Variants in SYNRG observed in about 807,000 individuals in gnomAD.
SYNRG encodes synergin gamma.
A neutral mutation model predicts 130.9 loss-of-function variants in SYNRG; 37 were observed. The observed-to-expected ratio is 0.28, with a 90% CI of 0.22 to 0.37. The LOEUF (loss-of-function observed/expected upper bound fraction) is 0.37. SYNRG is among the 10% of genes least tolerant of loss of function. The probability of loss-of-function intolerance (pLI) is 1.00; values close to 1 mark genes in which losing one functional copy is unlikely to be tolerated. For missense variants in SYNRG, 1,338 were observed against 1,588.9 expected (o/e 0.84, Z 2.68); for synonymous variants, 539 against 568.1 (o/e 0.95, Z 0.73).
chr17:37,520,199 C>A lies in SYNRG; in HGVS notation c.3793G>T (p.Ala1265Ser), dbSNP rs151326678. The A allele has an allele frequency of 3.1e-6, 5 of 1,614,094 alleles. No homozygotes were observed. In the African/African-American group the frequency reaches 6.7e-5, roughly 22 times the overall value. ...DSRSRKEEKPAEEHPKKAFNS... is the reference protein window; with the variant it reads ...DSRSRKEEKPSEEHPKKAFNS... ...CATACTTTTTTAGGATGTTCTTCTG[C>A]AGGCTTCTCTTCTTTCTGAAATAAC... Residue 1265 changes from alanine (A) to serine (S), a missense_variant, in exon 21 of 22, where the codon GCA (alanine) becomes TCA (serine). Ala to Ser is a moderately conservative substitution (Grantham distance 99). Coordinates refer to ENST00000612223, the MANE Select transcript of SYNRG (RefSeq NM_007247.6).
chr17:37,583,056 T>C (rs2061452879), intron 6 of SYNRG, among the ~76,000 whole-genome samples: 1 of 151,664 alleles, frequency 6.6e-6, no homozygotes, highest in Non-Finnish European at 1.5e-5. Context: ...AGTGGCGCAG[T>C]CTCGACTCAC....
intron 8 of SYNRG, among the ~76,000 whole-genome samples, chr17:37,573,313 G>A (rs945454226): frequency 1.1e-4 from 16 of 152,122 alleles, no homozygotes; most frequent in African/African-American, 3.6e-4. Flanking sequence ...TGAGGCAGGA[G>A]AACTGCTTGA....
rs370541333 is a variant in SYNRG at position 37,584,621 on chromosome 17, G to C, written c.589+27C>G. 140 of 1,592,188 alleles carry C rather than the reference G, an allele frequency of 8.8e-5. No homozygotes were observed. In the African/African-American group the frequency reaches 1.7e-3, roughly 20 times the overall value. ...CTACATAAATCACCTTCCCAGAAAA[G>C]AAAAATATAATGCCTCTTAAAACTA... On this transcript the variant is annotated intron_variant, in intron 6 of 21. Transcript: ENST00000612223.
intron 18 of SYNRG, chr17:37,536,696 T>C (rs2057226591): frequency 6.6e-6 from 1 of 152,332 alleles, no homozygotes; most frequent in Admixed American, 6.5e-5. Flanking sequence ...CTGAAGGTCT[T>C]ACAAACACTT....
At chr17:37,524,371 T>C (rs2055558276) in intron 19 of SYNRG, among the ~76,000 whole-genome samples, 1 of 151,814 alleles carries the variant, frequency 6.6e-6, no homozygotes, top group Non-Finnish European at 1.5e-5. Context: ...CCTGTTCCTT[T>C]CTAATTTGAA....
chr17:37,529,939 CCAAA>C, intron 19 of SYNRG: 1 of 1,186,686 alleles, frequency 8.4e-7, no homozygotes, highest in South Asian at 1.4e-5. Context: ...CGATTGCCAC[CCAAA>C]CAAAGAACCT....
chr17:37,559,681 ACT>A (rs1404615940), intron 13 of SYNRG, among the ~76,000 whole-genome samples: 1 of 151,434 alleles, frequency 6.6e-6, no homozygotes. Context: ...CAAAAATAAA[ACT>A]CTGTTTCAAA....
In SYNRG at chr17:37,539,349, G is replaced by T. The variant is rs530543440; in HGVS notation, c.3367-104C>A. 4.3e-5 allele frequency: 51 copies of T among 1,187,246 alleles called. No individual in the cohort carries two copies. In the African/African-American group the frequency reaches 6.7e-4, roughly 16 times the overall value. 73.5% of individuals were successfully genotyped at this position (1,187,246 alleles called of 1,614,324 possible). A position where few individuals can be genotyped will look rare whatever the true frequency, so the allele number is the denominator to read the frequency against. ...CTTGGAGGACTTTCCTTTTTATTAC[G>T]ATCACTCTAGTTCAAGCAGTTTATG... On this transcript the variant is annotated intron_variant, in intron 16 of 21. Transcript: ENST00000612223.
chr17:37,600,080 T>C (rs1348106636), intron 2 of SYNRG, among the ~76,000 whole-genome samples: 1 of 152,234 alleles, frequency 6.6e-6, no homozygotes, highest in Non-Finnish European at 1.5e-5. Flanking sequence ...TTCTTTAACA[T>C]TCTTGTCCTA....
chr17:37,603,916 C>T (rs1444610878), intron 1 of SYNRG, among the ~76,000 whole-genome samples: 3 of 152,168 alleles, frequency 2.0e-5, no homozygotes, highest in Non-Finnish European at 4.4e-5. Context: ...TCCTCTCTAG[C>T]TAGGAAAGTC....
At chr17:37,569,648 C>G (rs2060264511) in intron 10 of SYNRG, among the ~76,000 whole-genome samples, 1 of 123,758 alleles carries the variant, frequency 8.1e-6, no homozygotes, top group Non-Finnish European at 1.6e-5. Context: ...CAGCAAGACT[C>G]TGTCTCAAAA....
At chr17:37,570,596 T>C (rs1201799263) in intron 10 of SYNRG, 41 bp downstream of exon 10, 4 of 1,577,522 alleles carry the variant, frequency 2.5e-6, no homozygotes, top group Non-Finnish European at 3.4e-6. Context: ...CCAGATTCAC[T>C]TTCAGTGATT....
chr17:37,586,118 G>A (rs535901504), intron 4 of SYNRG, among the ~76,000 whole-genome samples: 8 of 152,060 alleles, frequency 5.3e-5, no homozygotes, highest in Non-Finnish European at 1.0e-4. Flanking sequence ...TCAGCCTCCT[G>A]AGCAGCTGGG....
In SYNRG at chr17:37,553,124, G is replaced by A. The variant is rs1344804317; in HGVS notation, c.2599C>T (p.Pro867Ser). 6.2e-7 allele frequency: 1 copy of A among 1,611,480 alleles called. No individual in the cohort carries two copies. The highest frequency in any genetic ancestry group is 1.7e-5 in the Admixed American group (1 of 59,032). Reference protein sequence around the residue: ...DLPTVSGQHPPAADIEDLKYA... With the variant: ...DLPTVSGQHPSAADIEDLKYA... Reference sequence around the variant, plus strand: ...CTCACCAATTCCTCACCTGCAGCAGGAGGATGCTGGCCACTAACTGTTGGT... The same window carrying A: ...CTCACCAATTCCTCACCTGCAGCAGAAGGATGCTGGCCACTAACTGTTGGT... The change falls in exon 14 of 22, where the codon CCT (proline) becomes TCT (serine). Residue 867 changes from proline (P) to serine (S), a missense_variant. Pro to Ser is a moderately conservative substitution (Grantham distance 74). This residue lies in a region of SYNRG where 1,146 missense variants were observed against 1,342.3 expected (regional missense o/e 0.85). Coordinates refer to ENST00000612223, the MANE Select transcript of SYNRG (RefSeq NM_007247.6).
chr17:37,584,425 T>C, intron 6 of SYNRG: 1 of 422,316 alleles, frequency 2.4e-6, no homozygotes, highest in Non-Finnish European at 4.4e-6. Flanking sequence ...GTCATACTGA[T>C]ATTTAATTAG....
At chr17:37,552,606 A>C (rs1375506828) in intron 14 of SYNRG, among the ~76,000 whole-genome samples, 1 of 152,210 alleles carries the variant, frequency 6.6e-6, no homozygotes, top group Non-Finnish European at 1.5e-5. Context: ...TTCTTCTCTT[A>C]AAAGGATGTG....
Position 37,542,123 on chromosome 17 carries a change from C to G in SYNRG, c.3051G>C (p.Pro1017=), listed in dbSNP as rs3110623. 642,112 of 1,613,956 alleles carry G rather than the reference C, an allele frequency of 0.4. 132,544 individuals carry two copies. Among genetic ancestry groups the G allele is most frequent in the East Asian group, 0.66 (29,513 of 44,870 alleles). The change falls in exon 15 of 22, where the codon CCG becomes CCC. Residue 1017 remains proline, a synonymous_variant. Coordinates refer to ENST00000612223, the MANE Select transcript of SYNRG (RefSeq NM_007247.6). ...PASSGASQET[P]NECSDDFGEF... Reference sequence around the variant, plus strand: ...CTCCAAAGTCATCCGAACATTCGTTCGGGGTTTCTTGAGAGGCACCACTGG... The same window carrying G: ...CTCCAAAGTCATCCGAACATTCGTTGGGGGTTTCTTGAGAGGCACCACTGG...
chr17:37,535,991 G>A lies in SYNRG; in HGVS notation c.3654C>T (p.Leu1218=), dbSNP rs546035077. 2.2e-5 allele frequency: 35 copies of A among 1,613,804 alleles called. No homozygotes were observed. Among genetic ancestry groups the A allele is most frequent in the Admixed American group, 2.2e-4 (13 of 60,016 alleles). Residue 1218 remains leucine, a synonymous_variant, in exon 19 of 22, where the codon CTC becomes CTT. Coordinates refer to ENST00000612223, the MANE Select transcript of SYNRG (RefSeq NM_007247.6). ...CTCATGGGCTTACTGTGAGTGTGGC[G>A]AGTGACATGAAGCCGATTAGGTTAT... The part of the protein sequence containing the change: ...VWNNLIGFMS[L]ATLTPDENSL...
intron 6 of SYNRG, among the ~76,000 whole-genome samples, chr17:37,580,297 T>TC (rs1491251934): frequency 5.7e-5 from 1 of 17,698 alleles, no homozygotes; most frequent in Non-Finnish European, 7.9e-5. Flanking sequence ...ACAAAAGAAC[T>TC]TTTTTTTTTT....
Sources: gnomAD v4.1 joint callset for allele counts (sites outside exome capture counted in the v4.1 genomes callset) on GRCh38, gnomAD v4.1.1 for gene constraint, gnomAD v4.1.1 regional missense constraint, MANE v1.5 for transcripts, NCBI Gene and HGNC (gene_info 2026-07-23, HGNC 2026-07-21) for gene names.